Variants in FNDC3B observed in about 807,000 individuals in gnomAD.
FNDC3B encodes fibronectin type III domain-containing protein 3B.
FNDC3B carries 12 observed loss-of-function variants against 151.5 expected under a neutral mutation model. The ratio of observed to expected loss-of-function variants is 0.08; its 90% confidence interval spans 0.05 to 0.13. The LOEUF (loss-of-function observed/expected upper bound fraction) is 0.13. Among genes scored for constraint, FNDC3B ranks in the 10% least tolerant of loss-of-function variants. The pLI is 1.00. For synonymous variants in FNDC3B, 528 were observed against 549.0 expected, an observed-to-expected ratio of 0.96 and a Z score of 0.54; for missense variants, 1,214 against 1,505.3, an observed-to-expected ratio of 0.81 and a Z score of 3.20.
chr3:172,041,010 A>C (rs1054999724), intron 1 of FNDC3B, among the ~76,000 whole-genome samples: 1 of 152,214 alleles, frequency 6.6e-6, no homozygotes. Context: ...TTATCCAGAC[A>C]GTGCCGTTTG....
intron 4 of FNDC3B, among the ~76,000 whole-genome samples, chr3:172,246,217 T>A (rs952989208): frequency 6.6e-6 from 1 of 152,038 alleles, no homozygotes; most frequent in African/African-American, 2.4e-5. Flanking sequence ...CAAAACTTCC[T>A]GTCAGAGTGT....
At chr3:172,278,115 A>G (rs1729525221) in intron 6 of FNDC3B, among the ~76,000 whole-genome samples, 1 of 152,232 alleles carries the variant, frequency 6.6e-6, no homozygotes, top group Non-Finnish European at 1.5e-5. Flanking sequence ...GGATGTAAAC[A>G]CTGTTCAAAA....
chr3:172,110,380 A>C (rs1366263203), intron 1 of FNDC3B, among the ~76,000 whole-genome samples: 1 of 152,100 alleles, frequency 6.6e-6, no homozygotes, highest in African/African-American at 2.4e-5. Flanking sequence ...GTTGGACCAC[A>C]TGGAGTATAG....
chr3:172,382,396 A>T (rs1465165128), intron 25 of FNDC3B, among the ~76,000 whole-genome samples: 1 of 151,874 alleles, frequency 6.6e-6, no homozygotes, highest in Non-Finnish European at 1.5e-5. Context: ...AGATTGCAAA[A>T]TTTTTCTCCC....
At chr3:172,129,038 G>A (rs541823949) in intron 2 of FNDC3B, among the ~76,000 whole-genome samples, 37 of 152,260 alleles carry the variant, frequency 2.4e-4, no homozygotes, top group South Asian at 6.2e-4. Context: ...GCACCGTCAC[G>A]GTTTGCTACA....
At chr3:172,284,095 T>G (rs1729883125) in intron 6 of FNDC3B, among the ~76,000 whole-genome samples, 1 of 152,180 alleles carries the variant, frequency 6.6e-6, no homozygotes, top group South Asian at 2.1e-4. Flanking sequence ...TAATATAGAC[T>G]TTGTTCATTT....
At chr3:172,225,552 G>A (rs1349003315) in intron 3 of FNDC3B, 1 of 172,058 alleles carries the variant, frequency 5.8e-6, no homozygotes, top group Admixed American at 5.9e-5. Context: ...TGCTAATGAA[G>A]GCCACTCATT....
intron 1 of FNDC3B, among the ~76,000 whole-genome samples, chr3:172,084,523 G>T (rs1402374015): frequency 7.8e-6 from 1 of 128,576 alleles, no homozygotes; most frequent in Non-Finnish European, 1.7e-5. Context: ...TCTCTGGAAA[G>T]ATTTATGAGG....
intron 6 of FNDC3B, among the ~76,000 whole-genome samples, chr3:172,276,788 A>T (rs1264891119): frequency 2.6e-5 from 4 of 152,234 alleles, no homozygotes; most frequent in African/African-American, 7.2e-5. Context: ...GATATATTCT[A>T]TAAGAAAACT....
intron 23 of FNDC3B, among the ~76,000 whole-genome samples, chr3:172,372,797 C>T (rs1734944975): frequency 6.6e-6 from 1 of 152,162 alleles, no homozygotes; most frequent in Non-Finnish European, 1.5e-5. Flanking sequence ...TGGATAATGC[C>T]ATATGCCAGG....
chr3:172,158,447 G>A (rs1034205896), intron 3 of FNDC3B, among the ~76,000 whole-genome samples: 7 of 151,966 alleles, frequency 4.6e-5, no homozygotes, highest in East Asian at 1.9e-4. Flanking sequence ...TTTGCCTTCC[G>A]TATCTCCTCT....
At chr3:172,080,264 G>A (rs188648586) in intron 1 of FNDC3B, among the ~76,000 whole-genome samples, 1 of 151,896 alleles carries the variant, frequency 6.6e-6, no homozygotes, top group East Asian at 1.9e-4. Context: ...CTGAAGCTTA[G>A]AATTTTTTCT....
intron 21 of FNDC3B, among the ~76,000 whole-genome samples, chr3:172,349,664 T>TC (rs1289873983): frequency 6.6e-6 from 1 of 152,140 alleles, no homozygotes; most frequent in East Asian, 1.9e-4. Flanking sequence ...TTCTTTTTTT[T>TC]CTTTTTTTTG....
intron 11 of FNDC3B, among the ~76,000 whole-genome samples, chr3:172,313,360 A>T (rs1731617035): frequency 6.6e-6 from 1 of 151,664 alleles, no homozygotes. Flanking sequence ...GGGCAGCTTG[A>T]CCTCTCTGGT....
intron 3 of FNDC3B, among the ~76,000 whole-genome samples, chr3:172,199,552 A>C (rs1725030889): frequency 6.6e-6 from 1 of 152,214 alleles, no homozygotes; most frequent in Non-Finnish European, 1.5e-5. Flanking sequence ...ATCCTTTCTT[A>C]ATGTCATCAA....
rs1207014044 is a variant in FNDC3B at position 172,399,446 on chromosome 3, A to C, written c.*1971A>C. On this transcript the variant is annotated 3_prime_UTR_variant, in exon 26 of 26. Coordinates refer to ENST00000415807, the MANE Select transcript of FNDC3B (RefSeq NM_022763.4). Reference sequence around the variant, plus strand: ...AAACGTTTACATGTACCCAAAAACCATAATCATCTCTTGGAAGAAAATGCT... The same window carrying C: ...AAACGTTTACATGTACCCAAAAACCCTAATCATCTCTTGGAAGAAAATGCT... The C allele has an allele frequency of 2.6e-5, 4 of 152,666 alleles. No individual in the cohort carries two copies. Among genetic ancestry groups the C allele is most frequent in the Admixed American group, 6.5e-5 (1 of 15,280 alleles). 9.5% of individuals were successfully genotyped at this position (152,666 alleles called of 1,614,324 possible).
intron 3 of FNDC3B, among the ~76,000 whole-genome samples, chr3:172,146,419 G>A (rs911175712): frequency 6.6e-6 from 1 of 152,232 alleles, no homozygotes; most frequent in Non-Finnish European, 1.5e-5. Flanking sequence ...AAGTTGATAT[G>A]TAGGCTAGTT....
intron 4 of FNDC3B, among the ~76,000 whole-genome samples, chr3:172,236,133 A>G (rs983570447): frequency 3.9e-5 from 6 of 152,194 alleles, no homozygotes; most frequent in African/African-American, 1.4e-4. Flanking sequence ...CCATTTTAGT[A>G]TCGATTGAAA....
chr3:172,225,922 A>G (rs1038651660), intron 3 of FNDC3B: 3 of 152,210 alleles, frequency 2.0e-5, no homozygotes, highest in Non-Finnish European at 4.4e-5. Flanking sequence ...TGAATTTCCT[A>G]TTTTGAAACA....
Sources: allele counts gnomAD v4.1 joint callset (sites outside exome capture counted in the v4.1 genomes callset), GRCh38; gene constraint gnomAD v4.1.1; transcripts MANE v1.5; gene names NCBI Gene and HGNC (gene_info 2026-07-23, HGNC 2026-07-21).